CNTNAP2: variants seen among roughly 807,000 people sequenced by gnomAD.
The protein encoded by CNTNAP2 is contactin associated protein 2.
CNTNAP2 carries 98 observed loss-of-function variants against 155.2 expected under a neutral mutation model. The observed-to-expected ratio is 0.63, with a 90% confidence interval of 0.54 to 0.75. The LOEUF (loss-of-function observed/expected upper bound fraction) is 0.75. Among genes scored for constraint, CNTNAP2 ranks in the 30% least tolerant of loss-of-function variants. The pLI is 0.00. For synonymous variants in CNTNAP2, 651 were observed against 631.2 expected, an observed-to-expected ratio of 1.03 and a Z score of -0.47; for missense variants, 1,727 against 1,688.1, an observed-to-expected ratio of 1.02 and a Z score of -0.40.
chr7:147,545,594 G>T (rs1799715116), intron 11 of CNTNAP2, among the ~76,000 whole-genome samples: 1 of 152,196 alleles, frequency 6.6e-6, no homozygotes, highest in Non-Finnish European at 1.5e-5. Flanking sequence ...TCATGCAGCT[G>T]TAGTCAAATG....
intron 4 of CNTNAP2, among the ~76,000 whole-genome samples, chr7:147,047,270 G>A (rs1232437568): frequency 4.2e-5 from 5 of 120,464 alleles, no homozygotes; most frequent in East Asian, 2.5e-4. Flanking sequence ...CACCACGCCC[G>A]GCTAATTTTT....
chr7:147,996,017 C>T (rs1295109239), intron 15 of CNTNAP2, among the ~76,000 whole-genome samples: 1 of 152,166 alleles, frequency 6.6e-6, no homozygotes, highest in Non-Finnish European at 1.5e-5. Flanking sequence ...AAACCAGGTG[C>T]CAGGCCCTTC....
At chr7:146,352,180 A>G (rs937309803) in intron 1 of CNTNAP2, among the ~76,000 whole-genome samples, 1 of 152,190 alleles carries the variant, frequency 6.6e-6, no homozygotes, top group Non-Finnish European at 1.5e-5. Context: ...CATGTTGTAC[A>G]CTATTCATCT....
intron 12 of CNTNAP2, among the ~76,000 whole-genome samples, chr7:147,614,088 G>T (rs1027883040): frequency 6.6e-6 from 1 of 152,070 alleles, no homozygotes; most frequent in East Asian, 1.9e-4. Flanking sequence ...TTAAAAATTT[G>T]TTGCATTATT....
At position 148,387,013 on chromosome 7, in the gene CNTNAP2, C is replaced by T. The variant is rs748066008; in HGVS notation, c.3715+3125C>T. 2.1e-3 allele frequency among the ~76,000 whole-genome samples: 318 copies of T among 152,226 alleles called. 1 individual carries two copies. Among genetic ancestry groups the T allele is most frequent in the East Asian group, 2.3e-3 (12 of 5,186 alleles). On this transcript the variant is annotated intron_variant, in intron 22 of 23. Transcript: ENST00000361727. ...AGTGATCTCTGTATCTCATTCATGG[C>T]CATAAAACTTCCCTGGAGAGAGGAC...
intron 15 of CNTNAP2, among the ~76,000 whole-genome samples, chr7:148,009,160 T>C (rs1313878592): frequency 1.3e-5 from 2 of 152,208 alleles, no homozygotes; most frequent in Admixed American, 6.5e-5. Flanking sequence ...CTACCAAACA[T>C]GATAGCTTAA....
intron 12 of CNTNAP2, among the ~76,000 whole-genome samples, chr7:147,582,280 A>C (rs1800516685): frequency 6.6e-6 from 1 of 152,124 alleles, no homozygotes; most frequent in Non-Finnish European, 1.5e-5. Flanking sequence ...CATACTGTAT[A>C]GGTTCACTTT....
At chr7:147,201,032 TA>T (rs2116548683) in intron 8 of CNTNAP2, among the ~76,000 whole-genome samples, 1 of 152,308 alleles carries the variant, frequency 6.6e-6, no homozygotes, top group South Asian at 2.1e-4. Flanking sequence ...AACACTGGCT[TA>T]ATCACCGATT....
intron 15 of CNTNAP2, among the ~76,000 whole-genome samples, chr7:147,981,095 A>G (rs1347907057): frequency 6.6e-6 from 1 of 152,188 alleles, no homozygotes; most frequent in Non-Finnish European, 1.5e-5. Context: ...TTTCTGCCTT[A>G]CAAATGAAGA....
In CNTNAP2 at chr7:147,128,789, A is replaced by C; in HGVS notation, c.1036A>C (p.Asn346His). ...CMESINYNGV[N>H]ITDLARRKKL... ...GGAAAGCATCAACTACAATGGCGTC[A>C]ACATTACTGATCTTGCCAGAAGGAA... Residue 346 changes from asparagine to histidine, a missense_variant, in exon 7 of 24, where the codon AAC (asparagine) becomes CAC (histidine). By Grantham distance (68) the Asn-to-His change is moderately conservative (BLOSUM62 1). Coordinates refer to ENST00000361727, the MANE Select transcript of CNTNAP2 (RefSeq NM_014141.6). 3.7e-6 allele frequency: 6 copies of C among 1,614,116 alleles called. No individual in the cohort carries two copies. Among genetic ancestry groups the C allele is most frequent in the Non-Finnish European group, 5.1e-6 (6 of 1,179,956 alleles).
chr7:146,136,027 T>C (rs1376921624), intron 1 of CNTNAP2, among the ~76,000 whole-genome samples: 2 of 152,128 alleles, frequency 1.3e-5, no homozygotes, highest in African/African-American at 4.8e-5. Flanking sequence ...TAGCCCCCAA[T>C]TATATTGTGT....
intron 9 of CNTNAP2, among the ~76,000 whole-genome samples, chr7:147,348,453 G>A (rs1042726683): frequency 1.5e-4 from 23 of 151,558 alleles, no homozygotes; most frequent in Middle Eastern, 3.4e-3. Flanking sequence ...ATAAGTTATC[G>A]CACCGTCAGT....
intron 13 of CNTNAP2, chr7:147,850,033 A>T (rs766253647): frequency 6.6e-6 from 1 of 152,208 alleles, no homozygotes; most frequent in Non-Finnish European, 1.5e-5. Context: ...GCTTAATTAT[A>T]TGTATTACTG....
At chr7:147,385,057 G>C (rs1412437516) in intron 9 of CNTNAP2, among the ~76,000 whole-genome samples, 1 of 152,130 alleles carries the variant, frequency 6.6e-6, no homozygotes, top group African/African-American at 2.4e-5. Flanking sequence ...GGCAGGAAAA[G>C]AGAGAGAACT....
chr7:147,800,036 C>A (rs1417329861), intron 13 of CNTNAP2, among the ~76,000 whole-genome samples: 1 of 152,086 alleles, frequency 6.6e-6, no homozygotes, highest in Non-Finnish European at 1.5e-5. Flanking sequence ...ATTCTTCACA[C>A]AATAAATATA....
At chr7:146,346,312 G>A (rs1434516793) in intron 1 of CNTNAP2, among the ~76,000 whole-genome samples, 1 of 152,150 alleles carries the variant, frequency 6.6e-6, no homozygotes, top group Admixed American at 6.5e-5. Flanking sequence ...GATCGTCTGT[G>A]GCATTAGAGT....
At chr7:148,129,543 C>T (rs1156339515) in intron 16 of CNTNAP2, among the ~76,000 whole-genome samples, 6 of 151,776 alleles carry the variant, frequency 4.0e-5, no homozygotes, top group African/African-American at 1.2e-4. Context: ...CACATTTTAC[C>T]GTGTATAAAT....
intron 8 of CNTNAP2, among the ~76,000 whole-genome samples, chr7:147,292,865 G>C (rs957272186): frequency 6.6e-6 from 1 of 152,162 alleles, no homozygotes. Flanking sequence ...TGCCTCCCTA[G>C]TTCAGGTGAT....
In CNTNAP2 at chr7:146,483,280, A is replaced by T. The variant is rs867708504; in HGVS notation, c.98-290991A>T. 1.2e-3 allele frequency among the ~76,000 whole-genome samples: 68 copies of T among 54,454 alleles called. 1 individual carries two copies. Among genetic ancestry groups the T allele is most frequent in the Middle Eastern group, 8.6e-3 (1 of 116 alleles). The allele number at this position is 54,454 out of a possible 152,430, so 35.7% of individuals were successfully genotyped here. On this transcript the variant is annotated intron_variant, in intron 1 of 23. Coordinates refer to ENST00000361727, the MANE Select transcript of CNTNAP2 (RefSeq NM_014141.6). ...AACAGAGCAAGACTCCGTCTAAAAAAAAATATATATATATATATATATATA... is the reference window on the plus strand; with the variant it reads ...AACAGAGCAAGACTCCGTCTAAAAATAAATATATATATATATATATATATA...
Sources: gnomAD v4.1 joint callset for allele counts (sites outside exome capture counted in the v4.1 genomes callset) on GRCh38, gnomAD v4.1.1 for gene constraint, MANE v1.5 for transcripts, NCBI Gene and HGNC (gene_info 2026-07-23, HGNC 2026-07-21) for gene names.